Variants in CDK19 observed in about 807,000 individuals in gnomAD.
The protein encoded by CDK19 is cyclin-dependent kinase 19.
A neutral mutation model predicts 68.3 loss-of-function variants in CDK19; 20 were observed. The observed-to-expected ratio is 0.29, with a 90% CI of 0.21 to 0.43. CDK19 has a LOEUF of 0.43. Among genes scored for constraint, CDK19 ranks in the 20% least tolerant of loss-of-function variants. CDK19 has a pLI of 1.00. For missense variants in CDK19, 339 were observed against 623.5 expected (o/e 0.54, Z 4.86); for synonymous variants, 221 against 222.8 (o/e 0.99, Z 0.07).
intron 2 of CDK19, among the ~76,000 whole-genome samples, chr6:110,742,564 G>A (rs1039155428): frequency 6.6e-6 from 1 of 152,200 alleles, no homozygotes; most frequent in Non-Finnish European, 1.5e-5. Flanking sequence ...AAACGGACGT[G>A]CAAGTAGGAG....
chr6:110,632,032 A>G lies in CDK19; in HGVS notation c.644T>C (p.Ile215Thr). Residue 215 changes from isoleucine to threonine, a missense_variant and splice_region_variant, in exon 6 of 13, where the codon ATT (isoleucine) becomes ACT (threonine). This residue lies in a region of CDK19 where 63 missense variants were observed against 156.5 expected (regional missense o/e 0.40). Coordinates refer to ENST00000368911, the MANE Select transcript of CDK19 (RefSeq NM_015076.5). Reference sequence around the variant, plus strand: ...TAAATCATTTTAGACCAACTTACCAATGGCCTTTGTATAATGCCTTGCACC... The same window carrying G: ...TAAATCATTTTAGACCAACTTACCAGTGGCCTTTGTATAATGCCTTGCACC... Reference protein sequence around the residue: ...LLGARHYTKAIDIWAIGCIFA... With the variant: ...LLGARHYTKATDIWAIGCIFA... 1 of 1,603,832 alleles carries G rather than the reference A, an allele frequency of 6.2e-7. No individual in the cohort carries two copies. The highest frequency in any genetic ancestry group is 8.5e-7 in the Non-Finnish European group (1 of 1,173,566).
intron 1 of CDK19, among the ~76,000 whole-genome samples, chr6:110,759,428 A>AATAT (rs34490988): frequency 0.028 from 1,410 of 50,802 alleles, 46 homozygotes; most frequent in Admixed American, 0.039. Context: ...AAAAAAAAAA[A>AATAT]ATATATATAT....
At chr6:110,813,071 CATT>C (rs1487378537) in intron 1 of CDK19, 1 of 148,502 alleles carries the variant, frequency 6.7e-6, no homozygotes, top group Admixed American at 6.7e-5. Context: ...AGAAAAAAAG[CATT>C]ATATTTTGAA....
At chr6:110,733,557 T>G (rs1356852542) in intron 2 of CDK19, among the ~76,000 whole-genome samples, 1 of 152,216 alleles carries the variant, frequency 6.6e-6, no homozygotes, top group African/African-American at 2.4e-5. Flanking sequence ...TACCGTTTCA[T>G]GCTTCCATCA....
intron 1 of CDK19, among the ~76,000 whole-genome samples, chr6:110,801,872 G>C (rs1248375060): frequency 6.6e-6 from 1 of 152,040 alleles, no homozygotes; most frequent in African/African-American, 2.4e-5. Flanking sequence ...AGTGAGCGAA[G>C]GACATGAATG....
At chr6:110,692,690 A>C (rs1773115536) in intron 2 of CDK19, among the ~76,000 whole-genome samples, 1 of 152,178 alleles carries the variant, frequency 6.6e-6, no homozygotes, top group Non-Finnish European at 1.5e-5. Flanking sequence ...ATAGTCGGTC[A>C]ACAGGCTCTC....
At chr6:110,700,529 G>A (rs770746624) in intron 2 of CDK19, 1 of 152,068 alleles carries the variant, frequency 6.6e-6, no homozygotes, top group Non-Finnish European at 1.5e-5. Context: ...CTCTCACTGA[G>A]GAACAGGTCA....
chr6:110,781,660 T>C (rs891445404), intron 1 of CDK19, among the ~76,000 whole-genome samples: 3 of 151,808 alleles, frequency 2.0e-5, no homozygotes, highest in Non-Finnish European at 4.4e-5. Context: ...CTGGGCAACA[T>C]TGTGAAACCC....
intron 2 of CDK19, among the ~76,000 whole-genome samples, chr6:110,728,482 A>C (rs9384753): frequency 0.16 from 23,724 of 151,572 alleles, 2,061 homozygotes; most frequent in East Asian, 0.32. Context: ...TATCTTCCCT[A>C]GTCTGATTGC....
intron 1 of CDK19, among the ~76,000 whole-genome samples, chr6:110,761,702 A>AT (rs1779245238): frequency 1.3e-5 from 2 of 152,144 alleles, no homozygotes; most frequent in South Asian, 4.1e-4. Flanking sequence ...GAAAAACATC[A>AT]TTTAAGGATG....
intron 2 of CDK19, among the ~76,000 whole-genome samples, chr6:110,674,302 T>G (rs1035688387): frequency 6.6e-6 from 1 of 152,164 alleles, no homozygotes; most frequent in East Asian, 1.9e-4. Context: ...TCAGGCCAAC[T>G]AATAAAACTA....
In CDK19 at chr6:110,612,338, C is replaced by G. The variant is rs1432972373; in HGVS notation, c.*2197G>C. ...CAATGCCTTTTGTGATATTGAATCA[C>G]TGGCTTTCTCTAAGGTAGACTGACA... is the stretch of plus-strand genomic sequence containing the variant. On this transcript the variant is annotated 3_prime_UTR_variant, in exon 13 of 13. Transcript: ENST00000368911. The G allele has an allele frequency of 6.6e-6, 1 of 152,602 alleles. No homozygotes were observed. The highest frequency in any genetic ancestry group is 1.5e-5 in the Non-Finnish European group (1 of 68,044). 9.5% of individuals were successfully genotyped at this position (152,602 alleles called of 1,614,324 possible).
chr6:110,640,142 G>A (rs906320370), intron 4 of CDK19, among the ~76,000 whole-genome samples: 1 of 149,584 alleles, frequency 6.7e-6, no homozygotes, highest in Non-Finnish European at 1.5e-5. Context: ...GATTGCTTGA[G>A]TCTAGCAGAT....
At chr6:110,709,895 C>T (rs1774815609) in intron 2 of CDK19, among the ~76,000 whole-genome samples, 1 of 152,112 alleles carries the variant, frequency 6.6e-6, no homozygotes, top group Non-Finnish European at 1.5e-5. Context: ...ATACACAAAT[C>T]ATCTATGTGT....
At chr6:110,656,173 TTA>T (rs1429771629) in intron 4 of CDK19, among the ~76,000 whole-genome samples, 1 of 152,174 alleles carries the variant, frequency 6.6e-6, no homozygotes, top group Non-Finnish European at 1.5e-5. Flanking sequence ...TGCTTTATGA[TTA>T]TGTTTGTTGG....
chr6:110,641,626 G>A (rs1237491671), intron 4 of CDK19, among the ~76,000 whole-genome samples: 2 of 117,168 alleles, frequency 1.7e-5, no homozygotes, highest in Admixed American at 8.6e-5. Flanking sequence ...AGAAAGGAGA[G>A]GAAAGGAGGA....
intron 1 of CDK19, among the ~76,000 whole-genome samples, chr6:110,767,477 C>A (rs933993062): frequency 2.0e-5 from 3 of 151,072 alleles, no homozygotes; most frequent in African/African-American, 7.3e-5. Flanking sequence ...ACTTCAGCCT[C>A]CCAAGTAACT....
chr6:110,794,824 T>G (rs555537107), intron 1 of CDK19, among the ~76,000 whole-genome samples: 41 of 152,272 alleles, frequency 2.7e-4, no homozygotes, highest in Non-Finnish European at 5.0e-4. Flanking sequence ...TCACCCATTC[T>G]TCCAATAAAA....
intron 1 of CDK19, among the ~76,000 whole-genome samples, chr6:110,793,620 T>G (rs890692834): frequency 9.2e-5 from 14 of 152,210 alleles, no homozygotes; most frequent in African/African-American, 3.4e-4. Flanking sequence ...GAACCCTTTG[T>G]TCCACACTGT....
Sources: gnomAD v4.1 joint callset for allele counts (sites outside exome capture counted in the v4.1 genomes callset) on GRCh38, gnomAD v4.1.1 for gene constraint, gnomAD v4.1.1 regional missense constraint, MANE v1.5 for transcripts, NCBI Gene and HGNC (gene_info 2026-07-23, HGNC 2026-07-21) for gene names.